Variants in KIF26B observed in about 807,000 individuals in gnomAD.
KIF26B encodes kinesin-like protein KIF26B.
In KIF26B, 63 loss-of-function variants were observed where a neutral mutation model predicts 151.2. The observed-to-expected ratio is 0.42, with a 90% CI of 0.34 to 0.51. The LOEUF is 0.51. Ranked by LOEUF, KIF26B falls within the 20% of genes least tolerant of loss-of-function variation. KIF26B has a pLI of 0.07. For synonymous variants in KIF26B, 1,357 were observed against 1,262.1 expected, an observed-to-expected ratio of 1.08 and a Z score of -1.59; for missense variants, 2,813 against 2,913.6, an observed-to-expected ratio of 0.97 and a Z score of 0.79.
At chr1:245,335,358 T>C (rs1672199224) in intron 2 of KIF26B, among the ~76,000 whole-genome samples, 1 of 152,156 alleles carries the variant, frequency 6.6e-6, no homozygotes, top group Admixed American at 6.5e-5. Context: ...GCTTGTGGTT[T>C]ACCTGTGTGA....
At position 245,158,312 on chromosome 1, in the gene KIF26B, A is replaced by G. The variant is rs371076286; in HGVS notation, c.465+1629A>G. Among the ~76,000 whole-genome samples, 19 of 152,338 alleles carry G rather than the reference A, an allele frequency of 1.2e-4. No homozygotes were observed. In the East Asian group the frequency reaches 3.5e-3, roughly 28 times the overall value. On this transcript the variant is annotated intron_variant, in intron 2 of 14. Coordinates refer to ENST00000407071, the MANE Select transcript of KIF26B (RefSeq NM_018012.4). ...AAAAAGAGGAGGGGAAGGAAAATCT[A>G]CAGAGGAAACAAATGTTGAAACTCA...
In KIF26B at chr1:245,227,162, G is replaced by A. The variant is rs187762360; in HGVS notation, c.465+70479G>A. ...GACATTATTACCCAGATCCAGTTGC[G>A]GAGAGGCGTGTGTGTCTGTCTGGTT... On this transcript the variant is annotated intron_variant, in intron 2 of 14. Transcript: ENST00000407071. The surrounding 1 kb of genome is among the most constrained non-coding windows in gnomAD (Gnocchi z 4.1). 9.2e-4 allele frequency among the ~76,000 whole-genome samples: 140 copies of A among 152,166 alleles called. 1 individual carries two copies. The highest frequency in any genetic ancestry group is 2.6e-3 in the Admixed American group (39 of 15,282).
At chr1:245,189,300 T>C (rs572410951) in intron 2 of KIF26B, among the ~76,000 whole-genome samples, 5 of 152,372 alleles carry the variant, frequency 3.3e-5, no homozygotes, top group South Asian at 2.1e-4. Context: ...TCTCTTCTTA[T>C]GTTATTCCAG....
rs749285029 is a variant in KIF26B, at chr1:245,688,725, G to A, written c.5742G>A (p.Ala1914=). The A allele has an allele frequency of 1.9e-5, 31 of 1,608,918 alleles. No homozygotes were observed. In the Admixed American group the frequency reaches 4.9e-4, roughly 25 times the overall value. Residue 1914 remains alanine, a synonymous_variant, in exon 12 of 15, where the codon GCG becomes GCA. Transcript: ENST00000407071. The part of the protein sequence containing the change: ...DSEATGSASS[A]QDSTSENSSS... ...AGGCCACCGGCAGCGCGTCCTCGGC[G>A]CAGGACTCCACGAGCGAGAACAGCA...
At chr1:245,598,038 T>A (rs2043353093) in intron 5 of KIF26B, among the ~76,000 whole-genome samples, 1 of 152,162 alleles carries the variant, frequency 6.6e-6, no homozygotes, top group African/African-American at 2.4e-5. Context: ...TCTAACCTTT[T>A]TTCAAGGTTC....
chr1:245,195,359 C>A (rs1367194510), intron 2 of KIF26B, among the ~76,000 whole-genome samples: 1 of 152,140 alleles, frequency 6.6e-6, no homozygotes, highest in Non-Finnish European at 1.5e-5. Flanking sequence ...GTTTGTTGCG[C>A]CTCAGTTCCA....
chr1:245,417,986 A>G (rs1263102344), intron 3 of KIF26B, among the ~76,000 whole-genome samples: 1 of 152,236 alleles, frequency 6.6e-6, no homozygotes, highest in African/African-American at 2.4e-5. Flanking sequence ...TTGGGGGAAA[A>G]AAAAAGTTGT....
At chr1:245,387,240 C>T (rs186342020) in intron 3 of KIF26B, among the ~76,000 whole-genome samples, 1 of 151,254 alleles carries the variant, frequency 6.6e-6, no homozygotes, top group African/African-American at 2.4e-5. Context: ...TCTCTGCTCG[C>T]TGCAACCTCT....
At chr1:245,699,803 G>T (rs2147969366) in intron 14 of KIF26B, among the ~76,000 whole-genome samples, 1 of 152,256 alleles carries the variant, frequency 6.6e-6, no homozygotes, top group South Asian at 2.1e-4. Context: ...GGCCTCCTTT[G>T]TACAGCCCCT....
At chr1:245,607,311 C>G (rs58713859) in intron 6 of KIF26B, among the ~76,000 whole-genome samples, 18,560 of 152,008 alleles carry the variant, frequency 0.12, 1,500 homozygotes, top group African/African-American at 0.23. Flanking sequence ...TTATCCGGGA[C>G]CCCAGAATGG....
intron 2 of KIF26B, among the ~76,000 whole-genome samples, chr1:245,262,246 AG>A (rs1670657931): frequency 6.6e-6 from 1 of 152,154 alleles, no homozygotes; most frequent in African/African-American, 2.4e-5. Flanking sequence ...AGAAAAGTTC[AG>A]GGGCTTCTCA....
intron 2 of KIF26B, among the ~76,000 whole-genome samples, chr1:245,219,710 C>T (rs565766008): frequency 4.6e-5 from 7 of 152,080 alleles, no homozygotes; most frequent in South Asian, 2.1e-4. Context: ...CTCTAGCCTG[C>T]GCAACAGAGT....
intron 5 of KIF26B, among the ~76,000 whole-genome samples, chr1:245,593,443 T>C (rs1423947326): frequency 6.6e-6 from 1 of 152,182 alleles, no homozygotes; most frequent in African/African-American, 2.4e-5. Flanking sequence ...ATTCCTGTAT[T>C]AGTTTGCTGA....
At chr1:245,533,716 C>T (rs1282548923) in intron 4 of KIF26B, among the ~76,000 whole-genome samples, 4 of 151,870 alleles carry the variant, frequency 2.6e-5, no homozygotes, top group Non-Finnish European at 4.4e-5. Context: ...CTTAGAATGA[C>T]GGGTTTTCCA....
At chr1:245,700,847 T>A (rs1217315323) in intron 14 of KIF26B, among the ~76,000 whole-genome samples, 1 of 152,206 alleles carries the variant, frequency 6.6e-6, no homozygotes, top group African/African-American at 2.4e-5. Flanking sequence ...GGCGCTGTGC[T>A]TATCCCTCCC....
chr1:245,177,169 G>A (rs2103525584), intron 2 of KIF26B, among the ~76,000 whole-genome samples: 1 of 152,252 alleles, frequency 6.6e-6, no homozygotes, highest in South Asian at 2.1e-4. Flanking sequence ...TGCCCAGGCT[G>A]GCCTCAGATG....
chr1:245,158,770 T>C (rs1668486588), intron 2 of KIF26B, among the ~76,000 whole-genome samples: 1 of 152,148 alleles, frequency 6.6e-6, no homozygotes, highest in South Asian at 2.1e-4. Flanking sequence ...CATCAGCTCA[T>C]TGTTAGTAAT....
intron 2 of KIF26B, among the ~76,000 whole-genome samples, chr1:245,204,294 G>C (rs936183842): frequency 3.9e-5 from 6 of 152,084 alleles, no homozygotes; most frequent in African/African-American, 1.4e-4. Context: ...AGAGCACTAA[G>C]TATCAACACT....
intron 4 of KIF26B, among the ~76,000 whole-genome samples, chr1:245,517,676 G>A (rs554021113): frequency 6.6e-6 from 1 of 152,238 alleles, no homozygotes; most frequent in Admixed American, 6.5e-5. Context: ...CCGGTGATAA[G>A]CCACAAGGTA....
Sources: allele counts gnomAD v4.1 joint callset (sites outside exome capture counted in the v4.1 genomes callset), GRCh38; gene constraint gnomAD v4.1.1; non-coding constraint Gnocchi (gnomAD v3.1); transcripts MANE v1.5; gene names NCBI Gene and HGNC (gene_info 2026-07-23, HGNC 2026-07-21).